The following ZNF248 variants were observed in gnomAD, a reference collection of about 807,000 sequenced individuals.
ZNF248 encodes KRAB protein domain.
In ZNF248, 20 loss-of-function variants were observed where a neutral mutation model predicts 44.3. The ratio of observed to expected loss-of-function variants is 0.45; its 90% CI spans 0.32 to 0.66. The LOEUF (loss-of-function observed/expected upper bound fraction) is 0.66. Ranked by LOEUF, ZNF248 falls within the 30% of genes least tolerant of loss-of-function variation. The probability of loss-of-function intolerance (pLI) is 0.04; values close to 1 mark genes in which losing one functional copy is unlikely to be tolerated. For missense variants in ZNF248, 654 were observed against 677.0 expected (o/e 0.97, Z 0.38); for synonymous variants, 224 against 229.0 (o/e 0.98, Z 0.20).
intron 6 of ZNF248, chr10:37,820,847 T>C (rs1373107989): frequency 5.0e-6 from 6 of 1,200,064 alleles, no homozygotes; most frequent in Non-Finnish European, 7.4e-6. Flanking sequence ...CCATTCTGTT[T>C]TGCATGTATT....
intron 6 of ZNF248, among the ~76,000 whole-genome samples, chr10:37,788,248 G>A (rs1383256628): frequency 7.1e-6 from 1 of 140,686 alleles, no homozygotes; most frequent in South Asian, 2.3e-4. Flanking sequence ...CTGGGCAACA[G>A]TGAGACTCCA....
At chr10:37,795,450 A>G (rs1408732296) in intron 6 of ZNF248, 1 of 152,202 alleles carries the variant, frequency 6.6e-6, no homozygotes, top group East Asian at 1.9e-4. Context: ...TTTGGAAGAA[A>G]GTGCTTTCAC....
At chr10:37,852,125 T>G (rs1310660876) in intron 3 of ZNF248, among the ~76,000 whole-genome samples, 1 of 151,982 alleles carries the variant, frequency 6.6e-6, no homozygotes, top group Non-Finnish European at 1.5e-5. Context: ...TGCATGCCTG[T>G]AATCCCAGCT....
chr10:37,773,285 G>A (rs2132741367), downstream of ZNF248, among the ~76,000 whole-genome samples: 1 of 152,250 alleles, frequency 6.6e-6, no homozygotes, highest in African/African-American at 2.4e-5. Flanking sequence ...TCAAGAATCA[G>A]AAGAGACTGT....
intron 6 of ZNF248, among the ~76,000 whole-genome samples, chr10:37,787,489 T>C (rs1035362316): frequency 6.9e-5 from 10 of 145,904 alleles, no homozygotes; most frequent in Admixed American, 5.7e-4. Context: ...CTTTTGTATG[T>C]ATGTTTTTCG....
intron 6 of ZNF248, among the ~76,000 whole-genome samples, chr10:37,779,731 G>T (rs1236235217): frequency 2.6e-5 from 4 of 150,994 alleles, no homozygotes; most frequent in Non-Finnish European, 5.9e-5. Flanking sequence ...AATTGTCCCT[G>T]TTTGCAGACG....
intron 6 of ZNF248, among the ~76,000 whole-genome samples, chr10:37,822,243 T>A (rs2053591801): frequency 6.6e-6 from 1 of 152,186 alleles, no homozygotes; most frequent in South Asian, 2.1e-4. Context: ...AACAGCCTTG[T>A]CTACATAGAA....
chr10:37,803,226 T>G, intron 6 of ZNF248: 1 of 152,198 alleles, frequency 6.6e-6, no homozygotes, highest in Non-Finnish European at 1.5e-5. Flanking sequence ...TGTCACTTGA[T>G]TTTTGTAACA....
intron 6 of ZNF248, chr10:37,795,293 C>A (rs2049020774): frequency 6.6e-6 from 1 of 152,070 alleles, no homozygotes; most frequent in Non-Finnish European, 1.5e-5. Flanking sequence ...AACCAAAGGT[C>A]TTCCCAAATG....
At chr10:37,788,584 G>A (rs1383510493) in intron 6 of ZNF248, among the ~76,000 whole-genome samples, 1 of 152,126 alleles carries the variant, frequency 6.6e-6, no homozygotes, top group Non-Finnish European at 1.5e-5. Context: ...AGCCACCACT[G>A]CACTCCAGCC....
intron 6 of ZNF248, among the ~76,000 whole-genome samples, chr10:37,806,848 T>G (rs954633825): frequency 1.3e-5 from 2 of 152,200 alleles, no homozygotes; most frequent in African/African-American, 2.4e-5. Flanking sequence ...TTTCCCCCTG[T>G]GTTTTCCTCT....
downstream of ZNF248, among the ~76,000 whole-genome samples, chr10:37,825,023 TA>T (rs899339729): frequency 1.4e-4 from 21 of 150,274 alleles, no homozygotes; most frequent in Non-Finnish European, 1.5e-5. Flanking sequence ...TTTGAAAACT[TA>T]AAAAAAAATA....
At chr10:37,835,377 A>T (rs2056934375) in intron 5 of ZNF248, among the ~76,000 whole-genome samples, 1 of 152,202 alleles carries the variant, frequency 6.6e-6, no homozygotes. Flanking sequence ...ACATGGAAGA[A>T]TGTACCTCAT....
Position 37,829,084 on chromosome 10 carries a change from C to A in ZNF248, c.*2531G>T, listed in dbSNP as rs1264718656. On this transcript the variant is annotated 3_prime_UTR_variant, in exon 6 of 6. Transcript: ENST00000395867. The stretch of plus-strand genomic sequence containing the variant: ...TTTCTCTTCCCAGATTCTCTCTCCA[C>A]CCTTCTCTGTGCCCACCTGGGCTCT... 2 of 985,386 alleles carry A rather than the reference C, an allele frequency of 2.0e-6. No individual in the cohort carries two copies. The highest frequency in any genetic ancestry group is 2.4e-6 in the Non-Finnish European group (2 of 829,984). 61.0% of individuals were successfully genotyped at this position (985,386 alleles called of 1,614,324 possible). A position where few individuals can be genotyped will look rare whatever the true frequency, so the allele number is the denominator to read the frequency against.
downstream of ZNF248, among the ~76,000 whole-genome samples, chr10:37,824,343 C>T (rs1165337542): frequency 6.6e-6 from 1 of 152,182 alleles, no homozygotes; most frequent in African/African-American, 2.4e-5. Context: ...AAATGTTAAT[C>T]TCATCCAATA....
the ZNF248 span, among the ~76,000 whole-genome samples, chr10:37,765,978 A>G: frequency 2.6e-5 from 4 of 152,272 alleles, no homozygotes; most frequent in African/African-American, 9.6e-5. Context: ...CATGGCTTGG[A>G]GGGTCCTACG....
At chr10:37,843,884 T>C (rs2058797580) in intron 3 of ZNF248, among the ~76,000 whole-genome samples, 1 of 151,690 alleles carries the variant, frequency 6.6e-6, no homozygotes, top group South Asian at 2.1e-4. Flanking sequence ...GAAAAAAATA[T>C]ATAAAGAAAT....
intron 6 of ZNF248, among the ~76,000 whole-genome samples, chr10:37,791,401 T>G (rs1367063425): frequency 6.6e-6 from 1 of 152,184 alleles, no homozygotes; most frequent in Non-Finnish European, 1.5e-5. Flanking sequence ...GTGAATACAC[T>G]GATACAAAAA....
intron 4 of ZNF248, 116 bp downstream of exon 4, chr10:37,837,869 C>A: frequency 6.9e-7 from 1 of 1,440,674 alleles, no homozygotes; most frequent in Non-Finnish European, 9.5e-7. Flanking sequence ...TTATGGTGGC[C>A]AAATGGGATC....
Sources: allele counts gnomAD v4.1 joint callset (sites outside exome capture counted in the v4.1 genomes callset), GRCh38; gene constraint gnomAD v4.1.1; transcripts MANE v1.5; gene names NCBI Gene and HGNC (gene_info 2026-07-23, HGNC 2026-07-21).